LAMA2: variants seen among roughly 807,000 people sequenced by gnomAD.
LAMA2 encodes laminin subunit alpha 2, also known as laminin subunit alpha-2.
In LAMA2, 269 loss-of-function variants were observed where a neutral mutation model predicts 364.8. The ratio of observed to expected loss-of-function variants is 0.74; its 90% CI spans 0.67 to 0.82. The LOEUF is 0.82. Among genes scored for constraint, LAMA2 ranks in the 40% least tolerant of loss-of-function variants. LAMA2 has a pLI of 0.00. For missense variants in LAMA2, 3,807 were observed against 3,873.2 expected, an observed-to-expected ratio of 0.98 and a Z score of 0.45; for synonymous variants, 1,379 against 1,370.6, an observed-to-expected ratio of 1.01 and a Z score of -0.14.
intron 27 of LAMA2, among the ~76,000 whole-genome samples, chr6:129,319,058 G>A (rs1197128701): frequency 6.6e-6 from 1 of 151,968 alleles, no homozygotes. Context: ...CATCAGAAAA[G>A]GTGAGTTAAG....
intron 62 of LAMA2, among the ~76,000 whole-genome samples, chr6:129,508,434 T>A (rs1241054903): frequency 6.7e-6 from 1 of 148,190 alleles, no homozygotes; most frequent in African/African-American, 2.5e-5. Flanking sequence ...TTTTTTTTAC[T>A]GTAGTTACCC....
chr6:128,981,482 C>T (rs1346733429), intron 1 of LAMA2, among the ~76,000 whole-genome samples: 1 of 151,692 alleles, frequency 6.6e-6, no homozygotes, highest in Non-Finnish European at 1.5e-5. Flanking sequence ...GTGGCACACA[C>T]CTGTAATCCC....
At chr6:129,064,974 C>A (rs1340834745) in intron 3 of LAMA2, among the ~76,000 whole-genome samples, 4 of 152,126 alleles carry the variant, frequency 2.6e-5, no homozygotes, top group Admixed American at 2.6e-4. Context: ...CATTACAGAT[C>A]AATATTTTTG....
At chr6:129,200,255 C>T (rs557916031) in intron 12 of LAMA2, among the ~76,000 whole-genome samples, 5 of 132,234 alleles carry the variant, frequency 3.8e-5, no homozygotes, top group Admixed American at 7.3e-5. Context: ...TATATATATA[C>T]GTGTACACAT....
intron 14 of LAMA2, among the ~76,000 whole-genome samples, chr6:129,257,616 T>C (rs1341574570): frequency 6.6e-6 from 1 of 152,090 alleles, no homozygotes; most frequent in Non-Finnish European, 1.5e-5. Flanking sequence ...ATCTGCTGTT[T>C]AGTAAATTGT....
At chr6:129,180,293 C>A (rs1400227705) in intron 10 of LAMA2, among the ~76,000 whole-genome samples, 1 of 151,936 alleles carries the variant, frequency 6.6e-6, no homozygotes, top group Non-Finnish European at 1.5e-5. Flanking sequence ...ACATAAGTGT[C>A]CATATATTTC....
At chr6:129,469,176 A>G (rs1470358842) in intron 51 of LAMA2, among the ~76,000 whole-genome samples, 1 of 151,964 alleles carries the variant, frequency 6.6e-6, no homozygotes, top group Non-Finnish European at 1.5e-5. Flanking sequence ...TTTGCATTTC[A>G]TCTTGATGAA....
intron 35 of LAMA2, among the ~76,000 whole-genome samples, chr6:129,388,150 G>T (rs544665093): frequency 6.6e-6 from 1 of 151,880 alleles, no homozygotes; most frequent in African/African-American, 2.4e-5. Context: ...CCAGCTACTC[G>T]GGAGGCTGAG....
chr6:128,957,007 GATA>G (rs1781196989), intron 1 of LAMA2, among the ~76,000 whole-genome samples: 1 of 152,110 alleles, frequency 6.6e-6, no homozygotes, highest in Non-Finnish European at 1.5e-5. Context: ...TCCAGAAGAT[GATA>G]ATGTTTCGAG....
At chr6:129,321,242 G>A (rs887438176) in intron 28 of LAMA2, among the ~76,000 whole-genome samples, 1 of 152,060 alleles carries the variant, frequency 6.6e-6, no homozygotes, top group Non-Finnish European at 1.5e-5. Flanking sequence ...AATTTCTTAG[G>A]ATCTAATTTC....
rs552459732 is a variant in LAMA2, at chr6:129,326,709, A to G, written c.4177-1569A>G. Among the ~76,000 whole-genome samples the G allele has an allele frequency of 8.3e-5, 12 of 144,366 alleles. No individual in the cohort carries two copies. In the East Asian group the frequency reaches 2.0e-3, roughly 24 times the overall value. 94.7% of individuals were successfully genotyped at this position (144,366 alleles called of 152,430 possible). A position where few individuals can be genotyped will look rare whatever the true frequency, so the allele number is the denominator to read the frequency against. On this transcript the variant is annotated intron_variant, in intron 28 of 64. Coordinates refer to ENST00000421865, the MANE Select transcript of LAMA2 (RefSeq NM_000426.4). The stretch of plus-strand genomic sequence containing the variant: ...CAATTTTATATATATATAATTTTAT[A>G]TACATATTTATATATTATATATATT...
chr6:129,103,549 C>A (rs1390541812), intron 4 of LAMA2, among the ~76,000 whole-genome samples: 1 of 152,082 alleles, frequency 6.6e-6, no homozygotes, highest in Non-Finnish European at 1.5e-5. Flanking sequence ...AGTCACTGAT[C>A]TGTGACAGTT....
At chr6:129,163,743 A>G in intron 8 of LAMA2, among the ~76,000 whole-genome samples, 1 of 152,262 alleles carries the variant, frequency 6.6e-6, no homozygotes, top group East Asian at 1.9e-4. Flanking sequence ...GCCTATGGCC[A>G]GATGACTACA....
intron 32 of LAMA2, among the ~76,000 whole-genome samples, chr6:129,364,885 G>A (rs1777671455): frequency 6.6e-6 from 1 of 152,228 alleles, no homozygotes; most frequent in Admixed American, 6.5e-5. Context: ...ATGGCAGAAG[G>A]CAAAGCTGGA....
chr6:129,226,182 C>A (rs265341), intron 12 of LAMA2, among the ~76,000 whole-genome samples: 1 of 152,096 alleles, frequency 6.6e-6, no homozygotes, highest in South Asian at 2.1e-4. Flanking sequence ...TTTTCTATTT[C>A]CTTGGTAGAT....
intron 1 of LAMA2, among the ~76,000 whole-genome samples, chr6:129,011,451 A>G (rs1784761425): frequency 6.6e-6 from 1 of 152,162 alleles, no homozygotes; most frequent in African/African-American, 2.4e-5. Context: ...GCCCATATCC[A>G]TGCCCTTTGC....
At chr6:129,293,989 G>C (rs187073466) in intron 20 of LAMA2, among the ~76,000 whole-genome samples, 1 of 152,176 alleles carries the variant, frequency 6.6e-6, no homozygotes, top group Admixed American at 6.5e-5. Flanking sequence ...CCACTTCAGA[G>C]GGTTTATGTC....
At chr6:128,958,990 A>T (rs535041773) in intron 1 of LAMA2, among the ~76,000 whole-genome samples, 2 of 152,332 alleles carry the variant, frequency 1.3e-5, no homozygotes, top group East Asian at 3.9e-4. Flanking sequence ...TACATCCTGC[A>T]ACATATACTT....
intron 4 of LAMA2, among the ~76,000 whole-genome samples, chr6:129,108,888 A>G (rs2114895661): frequency 6.6e-6 from 1 of 152,290 alleles, no homozygotes; most frequent in African/African-American, 2.4e-5. Context: ...TTTTACTCAC[A>G]GAAGATTCCT....
Sources: gnomAD v4.1 joint callset for allele counts (sites outside exome capture counted in the v4.1 genomes callset) on GRCh38, gnomAD v4.1.1 for gene constraint, MANE v1.5 for transcripts, NCBI Gene and HGNC (gene_info 2026-07-23, HGNC 2026-07-21) for gene names.